The following EPHA6 variants were observed in gnomAD, a reference collection of about 807,000 sequenced individuals.
The protein encoded by EPHA6 is ephrin type-A receptor 6.
EPHA6 carries 50 observed loss-of-function variants against 112.0 expected under a neutral mutation model. That is an observed-to-expected ratio of 0.45 (90% CI 0.36 to 0.56). EPHA6 has a LOEUF of 0.56. Ranked by LOEUF, EPHA6 falls within the 20% of genes least tolerant of loss-of-function variation. The pLI is 0.00. For missense variants in EPHA6, 1,280 were observed against 1,417.4 expected, an observed-to-expected ratio of 0.90 and a Z score of 1.56; for synonymous variants, 529 against 490.7, an observed-to-expected ratio of 1.08 and a Z score of -1.03.
chr3:97,365,784 G>A (rs545351418), intron 5 of EPHA6, among the ~76,000 whole-genome samples: 1 of 152,290 alleles, frequency 6.6e-6, no homozygotes, highest in Non-Finnish European at 1.5e-5. Context: ...ATTCCTGACT[G>A]AATTTAAATG....
chr3:97,182,632 T>A (rs1161102307), intron 3 of EPHA6, among the ~76,000 whole-genome samples: 1 of 152,064 alleles, frequency 6.6e-6, no homozygotes, highest in East Asian at 1.9e-4. Flanking sequence ...TATCAAGAAA[T>A]CAGTCTAGTT....
intron 2 of EPHA6, among the ~76,000 whole-genome samples, chr3:96,885,700 A>G (rs1329335282): frequency 6.6e-6 from 1 of 151,286 alleles, no homozygotes; most frequent in Non-Finnish European, 1.5e-5. Context: ...TATCTTTTGT[A>G]ATTTTTTTAA....
At chr3:97,168,417 C>T (rs1377219451) in intron 3 of EPHA6, among the ~76,000 whole-genome samples, 2 of 152,144 alleles carry the variant, frequency 1.3e-5, no homozygotes, top group African/African-American at 2.4e-5. Context: ...GGACCATCCC[C>T]CTAGTGCTGT....
intron 3 of EPHA6, among the ~76,000 whole-genome samples, chr3:97,102,390 A>G (rs985323503): frequency 1.3e-5 from 2 of 152,078 alleles, no homozygotes; most frequent in Non-Finnish European, 2.9e-5. Flanking sequence ...CAATAAAATT[A>G]TTGTTATTTT....
chr3:97,748,003 T>A (rs1417231181), intron 17 of EPHA6, among the ~76,000 whole-genome samples: 2 of 152,082 alleles, frequency 1.3e-5, no homozygotes, highest in East Asian at 3.8e-4. Context: ...AAGATTGTCT[T>A]TTGCCTACAT....
intron 5 of EPHA6, among the ~76,000 whole-genome samples, chr3:97,259,575 G>A (rs1401896918): frequency 6.6e-6 from 1 of 152,006 alleles, no homozygotes; most frequent in East Asian, 1.9e-4. Flanking sequence ...CTCTATCCCT[G>A]GAGCCTCGAA....
At chr3:96,914,553 T>C (rs1230048120) in intron 2 of EPHA6, among the ~76,000 whole-genome samples, 1 of 152,156 alleles carries the variant, frequency 6.6e-6, no homozygotes, top group Non-Finnish European at 1.5e-5. Flanking sequence ...GACGAAGCGT[T>C]CCGAATAGCC....
intron 5 of EPHA6, among the ~76,000 whole-genome samples, chr3:97,372,359 G>C (rs1005292751): frequency 6.6e-6 from 1 of 152,110 alleles, no homozygotes; most frequent in Non-Finnish European, 1.5e-5. Context: ...ATGTCAATTT[G>C]TACAGTCCCT....
chr3:97,257,362 A>G (rs1399268954), intron 5 of EPHA6, among the ~76,000 whole-genome samples: 2 of 151,998 alleles, frequency 1.3e-5, no homozygotes, highest in Non-Finnish European at 2.9e-5. Context: ...TGAAAAAACC[A>G]TGGTAAAATT....
intron 5 of EPHA6, among the ~76,000 whole-genome samples, chr3:97,327,993 ATGTGTATGTATATGTATATGTG>A (rs1559887896): frequency 7.3e-6 from 1 of 137,926 alleles, no homozygotes; most frequent in African/African-American, 3.1e-5. Context: ...ATATATGTAT[ATGTGTATGTATATGTATATGTG>A]TATATATGTA....
intron 15 of EPHA6, among the ~76,000 whole-genome samples, chr3:97,734,465 T>C (rs1184863607): frequency 2.6e-5 from 4 of 151,930 alleles, no homozygotes; most frequent in Non-Finnish European, 5.9e-5. Flanking sequence ...TGTTCAGTAA[T>C]AAAATATAAA....
chr3:97,183,212 G>C (rs962465034), intron 3 of EPHA6, among the ~76,000 whole-genome samples: 1 of 151,912 alleles, frequency 6.6e-6, no homozygotes, highest in Non-Finnish European at 1.5e-5. Context: ...GTGATGAGAA[G>C]GTACAATCGA....
chr3:97,548,861 A>G (rs2092993088), intron 11 of EPHA6, among the ~76,000 whole-genome samples: 1 of 152,238 alleles, frequency 6.6e-6, no homozygotes, highest in Admixed American at 6.5e-5. Flanking sequence ...CATGCACCCC[A>G]TAACTATTTT....
chr3:97,740,111 T>A (rs1249336647), intron 16 of EPHA6, among the ~76,000 whole-genome samples: 4 of 152,064 alleles, frequency 2.6e-5, no homozygotes, highest in Admixed American at 2.6e-4. Flanking sequence ...ACTTTGTAGC[T>A]TGATAGCTAC....
intron 7 of EPHA6, among the ~76,000 whole-genome samples, chr3:97,458,529 CGTAA>C (rs529993150): frequency 3.3e-5 from 5 of 151,896 alleles, no homozygotes; most frequent in Admixed American, 6.6e-5. Context: ...ATTTATCACA[CGTAA>C]GTGTGTGTAT....
chr3:96,917,245 AC>A (rs747272400), intron 2 of EPHA6, among the ~76,000 whole-genome samples: 1 of 151,826 alleles, frequency 6.6e-6, no homozygotes, highest in African/African-American at 2.4e-5. Context: ...ACAAGGTGAA[AC>A]CCCATCTCTA....
intron 4 of EPHA6, among the ~76,000 whole-genome samples, chr3:97,228,419 G>C (rs1488143070): frequency 6.6e-6 from 1 of 151,844 alleles, no homozygotes. Flanking sequence ...ATGATGTTTG[G>C]TTTGCCATTC....
intron 5 of EPHA6, among the ~76,000 whole-genome samples, chr3:97,378,482 T>G (rs953280389): frequency 6.6e-6 from 1 of 152,072 alleles, no homozygotes; most frequent in Non-Finnish European, 1.5e-5. Flanking sequence ...AGGGCCACCA[T>G]CCTCCAGACC....
intron 3 of EPHA6, among the ~76,000 whole-genome samples, chr3:97,096,230 AATAT>A (rs760876919): frequency 1.4e-5 from 2 of 145,924 alleles, no homozygotes; most frequent in African/African-American, 5.0e-5. Context: ...AACCTAAGGA[AATAT>A]ATATATATAT....
Sources: gnomAD v4.1 joint callset for allele counts (sites outside exome capture counted in the v4.1 genomes callset) on GRCh38, gnomAD v4.1.1 for gene constraint, MANE v1.5 for transcripts, NCBI Gene and HGNC (gene_info 2026-07-23, HGNC 2026-07-21) for gene names.